The following CAGE1 variants were observed in gnomAD, a reference collection of about 807,000 sequenced individuals.
CAGE1 encodes the protein cancer-associated gene 1 protein.
In CAGE1, 66 loss-of-function variants were observed where a neutral mutation model predicts 94.9. The ratio of observed to expected loss-of-function variants is 0.70; its 90% confidence interval spans 0.57 to 0.85. The LOEUF is 0.85. CAGE1 is among the 40% of genes least tolerant of loss of function. The pLI, the probability that CAGE1 is intolerant of heterozygous loss-of-function variation, is 0.00. For synonymous variants in CAGE1, 319 were observed against 321.0 expected (o/e 0.99, Z 0.07); for missense variants, 865 against 950.4 (o/e 0.91, Z 1.18).
At position 7,378,731 on chromosome 6, in the gene CAGE1, C is replaced by G; in HGVS notation, c.573G>C (p.Pro191=). ...TCTCTCCACTGCAGTGGATTAGAGG[C>G]GGGCTTCTAGGAGGAGGCTGTCTAA... ...EYFRQPPPRS[P]PLIHCSGEML... Residue 191 remains proline, a synonymous_variant, in exon 4 of 14, where the codon CCG becomes CCC. Transcript: ENST00000502583. 1 of 1,613,902 alleles carries G rather than the reference C, an allele frequency of 6.2e-7. No individual in the cohort carries two copies. Among genetic ancestry groups the G allele is most frequent in the Non-Finnish European group, 8.5e-7 (1 of 1,179,852 alleles).
chr6:7,333,470 A>G (rs991553794), intron 12 of CAGE1, among the ~76,000 whole-genome samples: 16 of 152,204 alleles, frequency 1.1e-4, no homozygotes, highest in African/African-American at 3.9e-4. Flanking sequence ...CATTCCATGA[A>G]AGCAGGGAAT....
intron 11 of CAGE1, among the ~76,000 whole-genome samples, chr6:7,335,083 C>T (rs757581349): frequency 1.2e-4 from 18 of 152,146 alleles, no homozygotes; most frequent in Non-Finnish European, 8.8e-5. Flanking sequence ...GGGGCTTGGC[C>T]CCACATCACA....
At position 7,373,112 on chromosome 6, in the gene CAGE1, C is replaced by A; in HGVS notation, c.1707G>T (p.Lys569Asn). 6.2e-7 allele frequency: 1 copy of A among 1,611,716 alleles called. No individual in the cohort carries two copies. Residue 569 changes from lysine to asparagine, a missense_variant, in exon 5 of 14, where the codon AAG (lysine) becomes AAT (asparagine). Physicochemically the swap from Lys to Asn is moderately conservative, Grantham distance 94 (BLOSUM62 0). Coordinates refer to ENST00000502583, the MANE Select transcript of CAGE1 (RefSeq NM_001170692.2). ...ACTTCAAGACTTCCTCTAATTGATC[C>A]TTTAACTGAGCTGTCTCAAATTTAG... ...YVPKFETAQL[K>N]DQLEEVLKSD... is the part of the protein sequence containing the mutation.
At chr6:7,329,586 A>G (rs1758673369) in intron 13 of CAGE1, among the ~76,000 whole-genome samples, 1 of 152,208 alleles carries the variant, frequency 6.6e-6, no homozygotes, top group South Asian at 2.1e-4. Flanking sequence ...AGGTGAGTGC[A>G]ACAGGTCATA....
rs576843775 is a variant in CAGE1 at position 7,371,179 on chromosome 6, A to C, written c.1747-1114T>G. 1.8e-4 allele frequency among the ~76,000 whole-genome samples: 28 copies of C among 152,294 alleles called. No individual in the cohort carries two copies. In the South Asian group the frequency reaches 5.6e-3, roughly 30 times the overall value. On this transcript the variant is annotated intron_variant, in intron 5 of 13. Coordinates refer to ENST00000502583, the MANE Select transcript of CAGE1 (RefSeq NM_001170692.2). ...ACAACTGGGATCTTGCTAGAAATGC[A>C]CGTTCTCAGGCCCCACCCCAGAATT...
chr6:7,341,201 A>C (rs1022688720), intron 11 of CAGE1: 2 of 645,764 alleles, frequency 3.1e-6, no homozygotes, highest in South Asian at 1.5e-5. Flanking sequence ...AGCAGTTGAC[A>C]CAGCTTGTGC....
intron 9 of CAGE1, among the ~76,000 whole-genome samples, chr6:7,363,691 G>A (rs1760232558): frequency 6.6e-6 from 1 of 152,154 alleles, no homozygotes; most frequent in Non-Finnish European, 1.5e-5. Flanking sequence ...AGGGTGTTGT[G>A]TGCTTCCTCT....
chr6:7,388,962 T>G (rs1054625843), intron 1 of CAGE1, among the ~76,000 whole-genome samples: 1 of 152,258 alleles, frequency 6.6e-6, no homozygotes, highest in African/African-American at 2.4e-5. Context: ...ATCCCTCATG[T>G]GGCACTGCAC....
rs188998849 is a variant in CAGE1, at chr6:7,381,263, C to T, written c.284-2243G>A. The stretch of plus-strand genomic sequence containing the variant: ...AAGGGTAGGCCCTAATCCAGTATGA[C>T]TGGTGTCCTTATAAGAGGAGGAAGA... On this transcript the variant is annotated intron_variant, in intron 3 of 13. Transcript: ENST00000502583. 2.3e-3 allele frequency among the ~76,000 whole-genome samples: 350 copies of T among 152,214 alleles called. 2 individuals are homozygous for T. The highest frequency in any genetic ancestry group is 0.013 in the South Asian group (62 of 4,824).
chr6:7,341,297 A>C, intron 11 of CAGE1: 1 of 671,066 alleles, frequency 1.5e-6, no homozygotes, highest in Non-Finnish European at 2.7e-6. Context: ...ACAGAGTACC[A>C]AAGAGGAAGC....
intron 5 of CAGE1, among the ~76,000 whole-genome samples, chr6:7,371,435 G>T (rs1206712833): frequency 6.6e-6 from 1 of 151,836 alleles, no homozygotes; most frequent in Non-Finnish European, 1.5e-5. Flanking sequence ...TCATAAAAGA[G>T]GGTCCACTAA....
intron 12 of CAGE1, among the ~76,000 whole-genome samples, chr6:7,332,334 C>T (rs1469735659): frequency 6.6e-6 from 1 of 152,146 alleles, no homozygotes; most frequent in Non-Finnish European, 1.5e-5. Flanking sequence ...CCAGGACCTA[C>T]GCGGAGGCAT....
chr6:7,353,960 T>C (rs2477482), intron 11 of CAGE1, among the ~76,000 whole-genome samples: 81,271 of 151,698 alleles, frequency 0.54, 24,481 homozygotes, highest in African/African-American at 0.83. Flanking sequence ...GGAAGGGGGA[T>C]GAGGGATAAA....
At chr6:7,326,967 A>C (rs1298778481) in intron 13 of CAGE1, 68 bp from the exon 14 acceptor site, 4 of 1,178,644 alleles carry the variant, frequency 3.4e-6, no homozygotes, top group Non-Finnish European at 5.1e-6. Context: ...CAGAACCCCT[A>C]AACAGCCAAT....
At chr6:7,353,397 T>C (rs1759849622) in intron 11 of CAGE1, among the ~76,000 whole-genome samples, 1 of 152,148 alleles carries the variant, frequency 6.6e-6, no homozygotes, top group African/African-American at 2.4e-5. Context: ...CAGTAGATGT[T>C]GGCATGGATG....
intron 9 of CAGE1, among the ~76,000 whole-genome samples, chr6:7,360,850 G>T (rs1182806901): frequency 6.6e-6 from 1 of 152,162 alleles, no homozygotes; most frequent in Admixed American, 6.5e-5. Context: ...GGGAGGCTGA[G>T]GCAGGAGAAT....
At position 7,344,874 on chromosome 6, in the gene CAGE1, G is replaced by T. The variant is rs184444148; in HGVS notation, c.2369+10167C>A. Among the ~76,000 whole-genome samples, 267 of 152,222 alleles carry T rather than the reference G, an allele frequency of 1.8e-3. 5 individuals are homozygous for T. The highest frequency in any genetic ancestry group is 3.4e-3 in the Middle Eastern group (1 of 294). On this transcript the variant is annotated intron_variant, in intron 11 of 13. Transcript: ENST00000502583. ...TGGGGCCTTGGAGAACCTTTGTGTC[G>T]ACACTCTGTATCTAGCTAATCTGGT...
At position 7,379,013 on chromosome 6, in the gene CAGE1, G is replaced by A. The variant is rs1760849370; in HGVS notation, c.291C>T (p.Asn97=). 1 of 1,509,316 alleles carries A rather than the reference G, an allele frequency of 6.6e-7. No homozygotes were observed. The highest frequency in any genetic ancestry group is 1.4e-5 in the African/African-American group (1 of 71,210). 93.5% of individuals were successfully genotyped at this position (1,509,316 alleles called of 1,614,324 possible). ...GTLDNLLNDN[N]IENYSTNALI... ...GTGCATTCGTTGAGTAATTTTCAAT[G>A]TTGTTATCTCATAAGAAAGAGAAAG... The change falls in exon 4 of 14, where the codon AAC becomes AAT. Residue 97 remains asparagine, a synonymous_variant. Transcript: ENST00000502583.
At chr6:7,364,705 T>C (rs1186358162) in intron 9 of CAGE1, among the ~76,000 whole-genome samples, 2 of 151,812 alleles carry the variant, frequency 1.3e-5, no homozygotes, top group South Asian at 4.2e-4. Flanking sequence ...CCTGATCTCA[T>C]GATCCACCCG....
Sources: allele counts gnomAD v4.1 joint callset (sites outside exome capture counted in the v4.1 genomes callset), GRCh38; gene constraint gnomAD v4.1.1; transcripts MANE v1.5; gene names NCBI Gene and HGNC (gene_info 2026-07-23, HGNC 2026-07-21).